Variants in ST7 observed in about 807,000 individuals in gnomAD.
ST7 encodes suppression of tumorigenicity 7.
A neutral mutation model predicts 78.7 loss-of-function variants in ST7; 28 were observed. The ratio of observed to expected loss-of-function variants is 0.36; its 90% CI spans 0.26 to 0.49. The LOEUF is 0.49. Among genes scored for constraint, ST7 ranks in the 20% least tolerant of loss-of-function variants. The pLI is 0.99. For synonymous variants in ST7, 247 were observed against 249.6 expected (o/e 0.99, Z 0.10); for missense variants, 418 against 696.0 (o/e 0.60, Z 4.49).
chr7:117,067,074 C>CAT (rs1798677834), intron 1 of ST7, among the ~76,000 whole-genome samples: 1 of 152,070 alleles, frequency 6.6e-6, no homozygotes, highest in African/African-American at 2.4e-5. Context: ...TAACATGTAT[C>CAT]AGTGCTCCGT....
At chr7:116,974,787 G>T (rs1793613434) in intron 1 of ST7, among the ~76,000 whole-genome samples, 1 of 152,108 alleles carries the variant, frequency 6.6e-6, no homozygotes, top group Non-Finnish European at 1.5e-5. Context: ...GAAAAAATTT[G>T]CATTTTTAAT....
intron 10 of ST7, among the ~76,000 whole-genome samples, chr7:117,177,907 T>C (rs1167375454): frequency 6.6e-6 from 1 of 152,184 alleles, no homozygotes; most frequent in African/African-American, 2.4e-5. Flanking sequence ...AATTGAGAAA[T>C]TAATCACATA....
At chr7:117,171,012 C>A in intron 10 of ST7, 36 bp downstream of exon 10, 1 of 1,390,004 alleles carries the variant, frequency 7.2e-7, no homozygotes, top group Non-Finnish European at 1.0e-6. Flanking sequence ...CTTGACTATT[C>A]CTCTTTTGAT....
intron 1 of ST7, among the ~76,000 whole-genome samples, chr7:116,989,719 G>T (rs759274278): frequency 6.6e-6 from 1 of 151,722 alleles, no homozygotes; most frequent in Non-Finnish European, 1.5e-5. Context: ...TGTACCTGTA[G>T]TCCTAGCTGC....
chr7:116,959,918 T>C (rs755485517), intron 1 of ST7: 14 of 153,226 alleles, frequency 9.1e-5, no homozygotes, highest in Admixed American at 4.6e-4. Flanking sequence ...ATGAATTTCA[T>C]TGAGTGCAAA....
At chr7:117,144,566 A>C (rs1269826824) in intron 9 of ST7, among the ~76,000 whole-genome samples, 1 of 151,370 alleles carries the variant, frequency 6.6e-6, no homozygotes, top group African/African-American at 2.4e-5. Context: ...CTGGTAGGTC[A>C]AGGCTGCAGT....
intron 1 of ST7, among the ~76,000 whole-genome samples, chr7:117,017,625 C>CT (rs1204034590): frequency 2.0e-5 from 3 of 151,094 alleles, no homozygotes; most frequent in Admixed American, 6.6e-5. Flanking sequence ...TATTATATGA[C>CT]TTTTTTTTTG....
intron 12 of ST7, among the ~76,000 whole-genome samples, chr7:117,195,473 C>T (rs749864613): frequency 6.6e-6 from 1 of 152,092 alleles, no homozygotes; most frequent in African/African-American, 2.4e-5. Context: ...TCTCATGCTG[C>T]AAATAAAGAC....
At chr7:117,146,359 G>A (rs902622875) in intron 9 of ST7, 1 of 152,196 alleles carries the variant, frequency 6.6e-6, no homozygotes, top group African/African-American at 2.4e-5. Context: ...AATCTTGGGT[G>A]GATAGAACAG....
intron 10 of ST7, among the ~76,000 whole-genome samples, chr7:117,182,302 G>A (rs553834731): frequency 8.9e-4 from 135 of 152,290 alleles, no homozygotes; most frequent in Admixed American, 2.2e-3. Flanking sequence ...GTGCCTGGAA[G>A]TTAGCCTTTA....
intron 10 of ST7, among the ~76,000 whole-genome samples, chr7:117,174,620 T>TA (rs763283554): frequency 1.1e-4 from 16 of 152,296 alleles, no homozygotes; most frequent in Admixed American, 5.9e-4. Flanking sequence ...CCACCACACT[T>TA]ACACTCTTTC....
intron 1 of ST7, among the ~76,000 whole-genome samples, chr7:117,013,337 T>G (rs1386150569): frequency 6.6e-6 from 1 of 152,230 alleles, no homozygotes; most frequent in Non-Finnish European, 1.5e-5. Context: ...CTTCCCAATC[T>G]GTACCCTAGG....
At chr7:117,040,978 C>G (rs748926672) in intron 1 of ST7, among the ~76,000 whole-genome samples, 30 of 152,198 alleles carry the variant, frequency 2.0e-4, no homozygotes, top group Non-Finnish European at 3.5e-4. Flanking sequence ...CCTTCACTAT[C>G]TACCCCTTTG....
At chr7:117,141,753 T>C (rs776911802) in intron 9 of ST7, among the ~76,000 whole-genome samples, 1 of 152,132 alleles carries the variant, frequency 6.6e-6, no homozygotes, top group Non-Finnish European at 1.5e-5. Context: ...CACTACAGCC[T>C]TGACTTCCCA....
intron 1 of ST7, among the ~76,000 whole-genome samples, chr7:117,053,087 C>T (rs761291564): frequency 6.6e-6 from 1 of 151,654 alleles, no homozygotes; most frequent in African/African-American, 2.4e-5. Context: ...AATCATTTTC[C>T]TGTTGTTGAG....
chr7:117,211,764 A>G (rs1477991764), intron 13 of ST7, among the ~76,000 whole-genome samples: 1 of 152,206 alleles, frequency 6.6e-6, no homozygotes, highest in East Asian at 1.9e-4. Flanking sequence ...ATGTGGTCAG[A>G]TAACAGTGGG....
At chr7:117,141,344 A>G (rs1345557022) in intron 9 of ST7, among the ~76,000 whole-genome samples, 1 of 152,182 alleles carries the variant, frequency 6.6e-6, no homozygotes, top group African/African-American at 2.4e-5. Flanking sequence ...CTGTTAATTG[A>G]AAAGAGATTC....
rs1810250025 is a variant in ST7, at chr7:117,195,698, A to G, written c.1254+4762A>G. On this transcript the variant is annotated intron_variant, in intron 12 of 15. Coordinates refer to ENST00000323984, the MANE Select transcript of ST7 (RefSeq NM_001369598.1). ...GTGAAAACTCACTCACTATCATGAG[A>G]ACAGCATGCAGATAACCGCTCCCAT... Among the ~76,000 whole-genome samples, 3 of 152,200 alleles carry G rather than the reference A, an allele frequency of 2.0e-5. No homozygotes were observed. In the South Asian group the frequency reaches 6.2e-4, roughly 32 times the overall value.
chr7:117,116,909 C>T (rs924263922), intron 2 of ST7, among the ~76,000 whole-genome samples: 2 of 152,154 alleles, frequency 1.3e-5, no homozygotes, highest in Non-Finnish European at 2.9e-5. Context: ...ATTTGATAGA[C>T]TACTACTTCT....
Sources: allele counts gnomAD v4.1 joint callset (sites outside exome capture counted in the v4.1 genomes callset), GRCh38; gene constraint gnomAD v4.1.1; transcripts MANE v1.5; gene names NCBI Gene and HGNC (gene_info 2026-07-23, HGNC 2026-07-21).